AFAP1L2: variants seen among roughly 807,000 people sequenced by gnomAD.
The protein encoded by AFAP1L2 is actin filament associated protein 1 like 2, also known as actin filament-associated protein 1-like 2.
In AFAP1L2, 46 loss-of-function variants were observed where a neutral mutation model predicts 99.3. The observed-to-expected ratio is 0.46, with a 90% confidence interval of 0.37 to 0.59. The LOEUF is 0.59. AFAP1L2 is among the 20% of genes least tolerant of loss of function. AFAP1L2 has a pLI of 0.00. For synonymous variants in AFAP1L2, 397 were observed against 419.1 expected (o/e 0.95, Z 0.64); for missense variants, 959 against 1,034.9 (o/e 0.93, Z 1.01).
Position 114,296,832 on chromosome 10 carries a change from A to G in AFAP1L2, c.2430+146T>C, listed in dbSNP as rs113299840. ...CCAGAGACTGAGCTGAAGGCATGGC[A>G]AAGCCATGGCCACTCCTTGGTGAGT... is the stretch of plus-strand genomic sequence containing the variant. On this transcript the variant is annotated intron_variant, in intron 18 of 18. Coordinates refer to ENST00000304129, the MANE Select transcript of AFAP1L2 (RefSeq NM_001001936.3). 26 of 1,388,752 alleles carry G rather than the reference A, an allele frequency of 1.9e-5. No homozygotes were observed. The African/African-American group carries it at 2.3e-4, about 12-fold the overall frequency. The allele number at this position is 1,388,752 out of a possible 1,614,324, so 86.0% of individuals were successfully genotyped here.
In AFAP1L2 at chr10:114,314,007, T is replaced by A. The variant is rs757577023; in HGVS notation, c.656A>T (p.Asn219Ile). 2 of 1,613,946 alleles carry A rather than the reference T, an allele frequency of 1.2e-6. No homozygotes were observed. The highest frequency in any genetic ancestry group is 1.7e-6 in the Non-Finnish European group (2 of 1,179,928). ...GTGAATGACGCTGCTGCCCAGTAGG[T>A]TCACGTCCAGCTGAGGGCTGTGGTC... Reference protein sequence around the residue: ...SKDHSPQLDVNLLGSSVIHKE... With the variant: ...SKDHSPQLDVILLGSSVIHKE... Residue 219 changes from asparagine to isoleucine, a missense_variant, in exon 7 of 19, where the codon AAC (asparagine) becomes ATC (isoleucine). Physicochemically the swap from Asn to Ile is moderately radical, Grantham distance 149. Coordinates refer to ENST00000304129, the MANE Select transcript of AFAP1L2 (RefSeq NM_001001936.3).
chr10:114,304,597 T>TA, intron 11 of AFAP1L2, 122 bp downstream of exon 11: 1 of 1,045,966 alleles, frequency 9.6e-7, no homozygotes, highest in Middle Eastern at 3.2e-4. Context: ...GCAAACGAAG[T>TA]AAAAATAACA....
chr10:114,330,038 C>T (rs1266462052), intron 4 of AFAP1L2, among the ~76,000 whole-genome samples: 1 of 152,090 alleles, frequency 6.6e-6, no homozygotes, highest in Non-Finnish European at 1.5e-5. Context: ...ACACCAGGGA[C>T]TCAGGTTCAG....
intron 1 of AFAP1L2, among the ~76,000 whole-genome samples, chr10:114,349,320 G>A (rs953744361): frequency 6.7e-6 from 1 of 148,360 alleles, no homozygotes; most frequent in Non-Finnish European, 1.5e-5. Flanking sequence ...GGAGTTTGCA[G>A]TGAGCCGAGA....
intron 1 of AFAP1L2, among the ~76,000 whole-genome samples, chr10:114,384,404 C>G (rs77551098): frequency 0.025 from 3,799 of 152,176 alleles, 132 homozygotes; most frequent in African/African-American, 0.078. Flanking sequence ...TTGTTCCCCC[C>G]ACACTTGTCC....
chr10:114,401,052 G>A (rs908812685), intron 1 of AFAP1L2, among the ~76,000 whole-genome samples: 4 of 152,174 alleles, frequency 2.6e-5, no homozygotes, highest in Non-Finnish European at 4.4e-5. Context: ...AAACTTTGAA[G>A]TAGTATTTTA....
intron 1 of AFAP1L2, among the ~76,000 whole-genome samples, chr10:114,399,269 C>T (rs2058025320): frequency 6.6e-6 from 1 of 152,102 alleles, no homozygotes; most frequent in Non-Finnish European, 1.5e-5. Context: ...ATTTGTTGCC[C>T]ACCTGCGATG....
At chr10:114,331,549 G>A (rs1275165426) in intron 4 of AFAP1L2, among the ~76,000 whole-genome samples, 2 of 152,214 alleles carry the variant, frequency 1.3e-5, no homozygotes, top group Non-Finnish European at 2.9e-5. Context: ...TAAAGAGCCT[G>A]AGTAGCGTCA....
At position 114,313,770 on chromosome 10, in the gene AFAP1L2, G is replaced by C. The variant is rs1056241898; in HGVS notation, c.792+101C>G. Reference sequence around the variant, plus strand: ...CACAGGAAGCCCTGCAAACTTGAAGGATCACAAATCCTCTACCCCTGACCC... The same window carrying C: ...CACAGGAAGCCCTGCAAACTTGAAGCATCACAAATCCTCTACCCCTGACCC... On this transcript the variant is annotated intron_variant, in intron 7 of 18. Transcript: ENST00000304129. The C allele has an allele frequency of 2.4e-6, 3 of 1,242,120 alleles. No individual in the cohort carries two copies. The South Asian group carries it at 5.1e-5, about 21-fold the overall frequency. The allele number at this position is 1,242,120 out of a possible 1,614,324, so 76.9% of individuals were successfully genotyped here.
At chr10:114,311,272 G>A (rs1442075708) in intron 7 of AFAP1L2, among the ~76,000 whole-genome samples, 2 of 152,142 alleles carry the variant, frequency 1.3e-5, no homozygotes, top group African/African-American at 2.4e-5. Context: ...TGAGCCAGGG[G>A]CACTCCCTTC....
At chr10:114,289,117 G>C in the AFAP1L2 span, 921 of 1,614,056 alleles carry the variant, frequency 5.7e-4, 7 homozygotes, top group African/African-American at 0.011. Flanking sequence ...GACTGCCTTC[G>C]GGCTGGACAC....
chr10:114,320,052 T>C (rs767676277), intron 5 of AFAP1L2, among the ~76,000 whole-genome samples: 52 of 152,188 alleles, frequency 3.4e-4, no homozygotes, highest in South Asian at 8.3e-4. Flanking sequence ...TACATGAGGA[T>C]GAGTAATGCC....
chr10:114,319,455 C>G (rs955756834), intron 5 of AFAP1L2: 14 of 849,292 alleles, frequency 1.6e-5, no homozygotes, highest in Non-Finnish European at 2.0e-5. Context: ...GACTCATGCA[C>G]GAGGACAGGA....
At chr10:114,286,401 TGGA>T in the AFAP1L2 span, 3 of 1,613,944 alleles carry the variant, frequency 1.9e-6, no homozygotes, top group South Asian at 1.1e-5. Context: ...CGGGCAGAGC[TGGA>T]GGAGATCACA....
At chr10:114,304,960 G>C (rs1343408115) in intron 10 of AFAP1L2, 30 bp from the exon 11 acceptor site, 8 of 1,452,696 alleles carry the variant, frequency 5.5e-6, no homozygotes, top group Non-Finnish European at 7.4e-6. Flanking sequence ...TGCAGGAGGG[G>C]ACAGGGCTGC....
chr10:114,296,266 G>A (rs557265683), intron 18 of AFAP1L2, 198 bp from the exon 19 acceptor site: 112 of 665,700 alleles, frequency 1.7e-4, no homozygotes, highest in South Asian at 1.3e-3. Flanking sequence ...GCACAACAGC[G>A]AGTGCCTATA....
At chr10:114,339,546 G>C (rs1177253396) in intron 2 of AFAP1L2, among the ~76,000 whole-genome samples, 1 of 152,210 alleles carries the variant, frequency 6.6e-6, no homozygotes, top group African/African-American at 2.4e-5. Flanking sequence ...GGTCAGTCCC[G>C]CACCATTGTT....
intron 1 of AFAP1L2, among the ~76,000 whole-genome samples, chr10:114,399,902 G>A (rs1025743114): frequency 6.6e-6 from 1 of 152,082 alleles, no homozygotes; most frequent in African/African-American, 2.4e-5. Context: ...AACTAGCATC[G>A]AAGAACCATT....
chr10:114,321,917 C>A (rs2045416147), intron 5 of AFAP1L2, among the ~76,000 whole-genome samples: 1 of 152,206 alleles, frequency 6.6e-6, no homozygotes, highest in Non-Finnish European at 1.5e-5. Flanking sequence ...TATAGTTTGG[C>A]TGTGTCTCCA....
Sources: allele counts gnomAD v4.1 joint callset (sites outside exome capture counted in the v4.1 genomes callset), GRCh38; gene constraint gnomAD v4.1.1; transcripts MANE v1.5; gene names NCBI Gene and HGNC (gene_info 2026-07-23, HGNC 2026-07-21).